Variants in ESRRB observed in about 807,000 individuals in gnomAD.
ESRRB encodes steroid hormone receptor ERR2.
A neutral mutation model predicts 46.0 loss-of-function variants in ESRRB; 16 were observed. That is an observed-to-expected ratio of 0.35 (90% CI 0.24 to 0.53). The LOEUF (loss-of-function observed/expected upper bound fraction) is 0.53. ESRRB is among the 20% of genes least tolerant of loss of function. ESRRB has a pLI of 0.93. For synonymous variants in ESRRB, 246 were observed against 259.6 expected (o/e 0.95, Z 0.50); for missense variants, 488 against 607.4 (o/e 0.80, Z 2.07).
chr14:76,346,352 C>T (rs12893597), intron 1 of ESRRB, among the ~76,000 whole-genome samples: 26,566 of 152,144 alleles, frequency 0.17, 2,348 homozygotes, highest in Middle Eastern at 0.22. Context: ...TCGGCTGAGA[C>T]GCCTACAGCC....
chr14:76,498,321 A>G lies in ESRRB; in HGVS notation c.1228A>G (p.Thr410Ala), dbSNP rs747244800. The stretch of plus-strand genomic sequence containing the variant: ...CCAGCGCCATGAGGAGCCCTGGAGG[A>G]CGGGCAAGCTGCTGCTGACACTGCC... Reference protein sequence around the residue: ...LSQRHEEPWRTGKLLLTLPLL... With the variant: ...LSQRHEEPWRAGKLLLTLPLL... Residue 410 changes from threonine to alanine, a missense_variant, in exon 7 of 7, where the codon ACG becomes GCG. Physicochemically the swap from Thr to Ala is moderately conservative, Grantham distance 58 (BLOSUM62 0). Coordinates refer to ENST00000644823, the MANE Select transcript of ESRRB (RefSeq NM_001379180.1). 1.9e-6 allele frequency: 3 copies of G among 1,612,956 alleles called. No individual in the cohort carries two copies. Among genetic ancestry groups the G allele is most frequent in the Non-Finnish European group, 2.5e-6 (3 of 1,179,710 alleles).
chr14:76,440,093 C>T (rs923304288), intron 2 of ESRRB, among the ~76,000 whole-genome samples: 5 of 152,146 alleles, frequency 3.3e-5, no homozygotes, highest in African/African-American at 9.6e-5. Flanking sequence ...TTATTTTGTG[C>T]GGGGGAAAAA....
chr14:76,390,085 G>T (rs1885405248), intron 1 of ESRRB, among the ~76,000 whole-genome samples: 1 of 152,062 alleles, frequency 6.6e-6, no homozygotes, highest in Admixed American at 6.6e-5. Flanking sequence ...CACTGCACTG[G>T]CTCCGTCACA....
intron 3 of ESRRB, among the ~76,000 whole-genome samples, chr14:76,465,990 C>T (rs1420530843): frequency 6.6e-6 from 1 of 152,238 alleles, no homozygotes; most frequent in African/African-American, 2.4e-5. Flanking sequence ...GGTGGGGGCT[C>T]TTGGCAGCTG....
upstream of ESRRB, among the ~76,000 whole-genome samples, chr14:76,368,539 T>C (rs536504426): frequency 2.6e-5 from 4 of 152,266 alleles, no homozygotes; most frequent in Admixed American, 6.5e-5. Context: ...TGCTGACAAG[T>C]GTATTACTGG....
chr14:76,361,776 A>G (rs371747500), intron 1 of ESRRB, among the ~76,000 whole-genome samples: 2 of 152,310 alleles, frequency 1.3e-5, no homozygotes, highest in South Asian at 2.1e-4. Context: ...TGGGGACTCT[A>G]TGGCTCGCCA....
At position 76,439,515 on chromosome 14, in the gene ESRRB, C is replaced by A. The variant is rs752511322; in HGVS notation, c.225C>A (p.Asn75Lys). 3.1e-6 allele frequency: 5 copies of A among 1,613,222 alleles called. No homozygotes were observed. The South Asian group carries it at 4.4e-5, about 14-fold the overall frequency. ...GFGLALGTHA[N>K]GLDSPPMFAG... ...GCCTGGCCCTGGGCACCCACGCCAA[C>A]GGTCTGGACTCGCCACCCATGTTTG... is the stretch of plus-strand genomic sequence containing the variant. The change falls in exon 2 of 7, where the codon AAC becomes AAA. Residue 75 changes from asparagine (N) to lysine (K), a missense_variant. By Grantham distance (94) the Asn-to-Lys change is moderately conservative. Transcript: ENST00000644823.
chr14:76,407,300 C>T (rs1886229801), intron 1 of ESRRB: 2 of 152,346 alleles, frequency 1.3e-5, no homozygotes, highest in African/African-American at 4.8e-5. Context: ...ACTTTGCTGA[C>T]AACTAGCTGT....
At chr14:76,446,326 G>T (rs1181542737) in intron 2 of ESRRB, among the ~76,000 whole-genome samples, 21 of 151,554 alleles carry the variant, frequency 1.4e-4, no homozygotes. Flanking sequence ...TTCCAACCCT[G>T]CCCAATTCTA....
chr14:76,493,702 G>A (rs1481424103), intron 6 of ESRRB, among the ~76,000 whole-genome samples: 3 of 152,182 alleles, frequency 2.0e-5, no homozygotes, highest in Non-Finnish European at 2.9e-5. Context: ...CAGGAAACTC[G>A]TCAGTCCCTG....
intron 2 of ESRRB, among the ~76,000 whole-genome samples, chr14:76,459,540 G>A (rs946065290): frequency 3.3e-5 from 5 of 150,802 alleles, no homozygotes; most frequent in East Asian, 3.9e-4. Flanking sequence ...GAATCAGCAC[G>A]CTGAGGCTGC....
At chr14:76,474,805 C>T (rs963681351) in intron 3 of ESRRB, among the ~76,000 whole-genome samples, 15 of 149,376 alleles carry the variant, frequency 1.0e-4, no homozygotes, top group Non-Finnish European at 1.8e-4. Context: ...TGACAAACTG[C>T]GACCCTGTCT....
chr14:76,436,485 T>C (rs546805505), intron 1 of ESRRB, among the ~76,000 whole-genome samples: 1 of 152,284 alleles, frequency 6.6e-6, no homozygotes, highest in South Asian at 2.1e-4. Flanking sequence ...GCTGTGTTGC[T>C]CAGCAGGGTT....
At chr14:76,359,544 C>T (rs962028683) in intron 1 of ESRRB, among the ~76,000 whole-genome samples, 3 of 152,158 alleles carry the variant, frequency 2.0e-5, no homozygotes, top group African/African-American at 4.8e-5. Context: ...AGTAGAGTAG[C>T]TCCCCAGAAG....
intron 3 of ESRRB, among the ~76,000 whole-genome samples, chr14:76,478,963 A>G (rs889322091): frequency 5.3e-5 from 8 of 152,178 alleles, no homozygotes; most frequent in Admixed American, 5.2e-4. Context: ...GATGGCATCT[A>G]GCTGTCCCTT....
intron 1 of ESRRB, among the ~76,000 whole-genome samples, chr14:76,345,823 C>T (rs562201683): frequency 2.0e-5 from 3 of 152,326 alleles, no homozygotes; most frequent in African/African-American, 7.2e-5. Flanking sequence ...GAATTCAGAC[C>T]TTCCGGGCTC....
At chr14:76,452,765 T>C (rs1888448833) in intron 2 of ESRRB, among the ~76,000 whole-genome samples, 1 of 151,996 alleles carries the variant, frequency 6.6e-6, no homozygotes. Flanking sequence ...GCAAGGCCAT[T>C]AGGGGGAAAA....
chr14:76,333,325 T>G (rs181037940), intron 1 of ESRRB, among the ~76,000 whole-genome samples: 1,003 of 51,302 alleles, frequency 0.02, 22 homozygotes, highest in Non-Finnish European at 0.026. Context: ...ATTTATATAT[T>G]ATATATTTTA....
chr14:76,448,165 C>T (rs1888229999), intron 2 of ESRRB, among the ~76,000 whole-genome samples: 1 of 152,142 alleles, frequency 6.6e-6, no homozygotes, highest in African/African-American at 2.4e-5. Flanking sequence ...GGCATTTCCT[C>T]CAGGAAGGCT....
Sources: allele counts gnomAD v4.1 joint callset (sites outside exome capture counted in the v4.1 genomes callset), GRCh38; gene constraint gnomAD v4.1.1; transcripts MANE v1.5; gene names NCBI Gene and HGNC (gene_info 2026-07-23, HGNC 2026-07-21).